Variants in IMMP2L observed in about 807,000 individuals in gnomAD.
IMMP2L encodes inner mitochondrial membrane peptidase subunit 2, also known as mitochondrial inner membrane protease subunit 2.
Under a neutral mutation model 19.3 loss-of-function variants are expected in IMMP2L, and 18 were observed. That is an observed-to-expected ratio of 0.93 (90% CI 0.64 to 1.38). IMMP2L has a LOEUF of 1.38. Among genes scored for constraint, IMMP2L ranks in the 40% most tolerant of loss-of-function variants. The pLI, the probability that IMMP2L is intolerant of heterozygous loss-of-function variation, is 0.00. For synonymous variants in IMMP2L, 76 were observed against 73.0 expected, an observed-to-expected ratio of 1.04 and a Z score of -0.21; for missense variants, 233 against 218.2, an observed-to-expected ratio of 1.07 and a Z score of -0.43.
At chr7:110,756,534 G>A (rs1798052437) in intron 5 of IMMP2L, among the ~76,000 whole-genome samples, 1 of 152,096 alleles carries the variant, frequency 6.6e-6, no homozygotes. Context: ...GTATACTGCA[G>A]AGTCTGAATA....
At chr7:111,147,476 G>A (rs2129601413) in intron 3 of IMMP2L, among the ~76,000 whole-genome samples, 1 of 152,188 alleles carries the variant, frequency 6.6e-6, no homozygotes, top group East Asian at 1.9e-4. Flanking sequence ...CAACATGCAT[G>A]GAAAAATATG....
At chr7:110,950,866 A>G (rs866211468) in intron 4 of IMMP2L, among the ~76,000 whole-genome samples, 6 of 134,796 alleles carry the variant, frequency 4.5e-5, no homozygotes, top group African/African-American at 5.8e-5. Flanking sequence ...ATATATATAT[A>G]TATATGTATA....
chr7:111,474,549 C>T (rs1162143798), intron 3 of IMMP2L, among the ~76,000 whole-genome samples: 1 of 151,848 alleles, frequency 6.6e-6, no homozygotes, highest in Non-Finnish European at 1.5e-5. Flanking sequence ...CCTAATTATC[C>T]ATATTGCTTT....
At chr7:111,470,426 A>T (rs1841136072) in intron 3 of IMMP2L, among the ~76,000 whole-genome samples, 1 of 152,008 alleles carries the variant, frequency 6.6e-6, no homozygotes, top group South Asian at 2.1e-4. Context: ...ATGCACACGT[A>T]TGTTTATTGT....
chr7:111,168,616 T>C (rs1414701049), intron 3 of IMMP2L, among the ~76,000 whole-genome samples: 1 of 151,968 alleles, frequency 6.6e-6, no homozygotes, highest in Non-Finnish European at 1.5e-5. Context: ...GCTATATAGA[T>C]TTTACTTAAC....
At chr7:111,285,785 T>C (rs1369904589) in intron 3 of IMMP2L, among the ~76,000 whole-genome samples, 1 of 152,214 alleles carries the variant, frequency 6.6e-6, no homozygotes, top group African/African-American at 2.4e-5. Flanking sequence ...TTCATATTTG[T>C]ATACCCAACA....
chr7:110,903,374 T>A (rs894488937), intron 4 of IMMP2L, among the ~76,000 whole-genome samples: 1 of 152,220 alleles, frequency 6.6e-6, no homozygotes, highest in African/African-American at 2.4e-5. Context: ...TCATCTTGCT[T>A]ATCTGAAACT....
At chr7:111,128,021 A>G (rs1801485555) in intron 3 of IMMP2L, among the ~76,000 whole-genome samples, 1 of 152,202 alleles carries the variant, frequency 6.6e-6, no homozygotes, top group Non-Finnish European at 1.5e-5. Flanking sequence ...ACCAAGAAAG[A>G]AATGAAACAG....
intron 3 of IMMP2L, chr7:111,097,456 G>A (rs914979128): frequency 2.6e-5 from 4 of 151,820 alleles, no homozygotes; most frequent in Admixed American, 6.6e-5. Context: ...TAATGAAATA[G>A]AGGCAAATAT....
chr7:110,764,048 G>C (rs1798508532), intron 5 of IMMP2L, among the ~76,000 whole-genome samples: 1 of 152,092 alleles, frequency 6.6e-6, no homozygotes, highest in South Asian at 2.1e-4. Context: ...TTAATTCACA[G>C]AAGCCTTAAA....
intron 3 of IMMP2L, among the ~76,000 whole-genome samples, chr7:111,080,474 ATGTG>A (rs1222455970): frequency 6.8e-6 from 1 of 146,490 alleles, no homozygotes; most frequent in East Asian, 2.0e-4. Flanking sequence ...TCTTATATAC[ATGTG>A]TGTATTATAT....
chr7:110,996,236 T>C (rs62464035), intron 3 of IMMP2L, among the ~76,000 whole-genome samples: 13,098 of 152,100 alleles, frequency 0.086, 807 homozygotes, highest in East Asian at 0.18. Flanking sequence ...GAAATGATAT[T>C]ATAGCTAAGA....
At chr7:111,318,273 T>A (rs1204430754) in intron 3 of IMMP2L, among the ~76,000 whole-genome samples, 1 of 152,130 alleles carries the variant, frequency 6.6e-6, no homozygotes, top group East Asian at 1.9e-4. Context: ...TTTCCCCAGA[T>A]GCCTGGTTAA....
At chr7:111,511,259 A>G (rs1162382954) in intron 2 of IMMP2L, among the ~76,000 whole-genome samples, 2 of 152,034 alleles carry the variant, frequency 1.3e-5, no homozygotes, top group Non-Finnish European at 2.9e-5. Context: ...GAGAAATGAC[A>G]CCATCGCTCC....
chr7:110,942,131 A>G (rs1585365405), intron 4 of IMMP2L, among the ~76,000 whole-genome samples: 1 of 152,008 alleles, frequency 6.6e-6, no homozygotes, highest in East Asian at 1.9e-4. Context: ...CTTCTAAAGT[A>G]TAAGCTCACC....
intron 3 of IMMP2L, among the ~76,000 whole-genome samples, chr7:111,142,385 A>T (rs535843625): frequency 6.6e-6 from 1 of 151,228 alleles, no homozygotes; most frequent in Non-Finnish European, 1.5e-5. Context: ...AAAGAGCTTA[A>T]TTTGAAGTAA....
intron 5 of IMMP2L, among the ~76,000 whole-genome samples, chr7:110,769,293 C>A (rs1798881446): frequency 1.3e-5 from 2 of 152,134 alleles, no homozygotes; most frequent in Admixed American, 1.3e-4. Flanking sequence ...CACTTCCATG[C>A]CATTTTGCAT....
chr7:111,201,729 G>A (rs1810155830), intron 3 of IMMP2L, among the ~76,000 whole-genome samples: 1 of 148,196 alleles, frequency 6.7e-6, no homozygotes. Flanking sequence ...AAAAAAAAAA[G>A]GAAAAAAAAA....
At chr7:111,085,840 C>A (rs1796274729) in intron 3 of IMMP2L, among the ~76,000 whole-genome samples, 1 of 152,166 alleles carries the variant, frequency 6.6e-6, no homozygotes. Context: ...GTTGCAGGGA[C>A]ATGGATGCAG....
Sources: allele counts gnomAD v4.1 joint callset (sites outside exome capture counted in the v4.1 genomes callset), GRCh38; gene constraint gnomAD v4.1.1; transcripts MANE v1.5; gene names NCBI Gene and HGNC (gene_info 2026-07-23, HGNC 2026-07-21).